ERBB4: variants seen among roughly 807,000 people sequenced by gnomAD.
ERBB4 encodes erb-b2 receptor tyrosine kinase 4, also known as receptor tyrosine-protein kinase erbB-4.
In ERBB4, 42 loss-of-function variants were observed where a neutral mutation model predicts 158.0. That is an observed-to-expected ratio of 0.27 (90% confidence interval 0.21 to 0.34). ERBB4 has a LOEUF of 0.34. ERBB4 is among the 10% of genes least tolerant of loss of function. The probability of loss-of-function intolerance (pLI) is 1.00; values close to 1 mark genes in which losing one functional copy is unlikely to be tolerated. For missense variants in ERBB4, 1,333 were observed against 1,624.1 expected, an observed-to-expected ratio of 0.82 and a Z score of 3.08; for synonymous variants, 583 against 558.7, an observed-to-expected ratio of 1.04 and a Z score of -0.61.
intron 1 of ERBB4, among the ~76,000 whole-genome samples, chr2:212,142,054 C>G (rs1294947327): frequency 6.6e-6 from 1 of 152,164 alleles, no homozygotes; most frequent in East Asian, 1.9e-4. Context: ...GATCTGGCCA[C>G]AGGGGCCACC....
chr2:211,784,249 G>A (rs2076104851), intron 4 of ERBB4, among the ~76,000 whole-genome samples: 1 of 152,092 alleles, frequency 6.6e-6, no homozygotes, highest in African/African-American at 2.4e-5. Context: ...AAGAGCAATT[G>A]GACATTTAGC....
At chr2:211,981,116 T>A (rs925511847) in intron 2 of ERBB4, among the ~76,000 whole-genome samples, 1 of 152,050 alleles carries the variant, frequency 6.6e-6, no homozygotes, top group Non-Finnish European at 1.5e-5. Flanking sequence ...TAACCAGGAA[T>A]GCAACCTGTG....
chr2:211,891,052 G>A (rs2078951926), intron 3 of ERBB4, among the ~76,000 whole-genome samples: 2 of 58,866 alleles, frequency 3.4e-5, no homozygotes, highest in Non-Finnish European at 6.6e-5. Context: ...TGCACCAAGC[G>A]GACCTAATAG....
chr2:212,334,509 T>C (rs1209534648), intron 1 of ERBB4, among the ~76,000 whole-genome samples: 1 of 151,998 alleles, frequency 6.6e-6, no homozygotes, highest in Admixed American at 6.6e-5. Flanking sequence ...TATCAAGGAA[T>C]TGTTAGTTAA....
At chr2:211,558,300 TC>T (rs2067293266) in intron 20 of ERBB4, among the ~76,000 whole-genome samples, 1 of 152,122 alleles carries the variant, frequency 6.6e-6, no homozygotes, top group South Asian at 2.1e-4. Context: ...CAATGCATGG[TC>T]CCTTCCTCCA....
intron 3 of ERBB4, among the ~76,000 whole-genome samples, chr2:211,847,027 A>G (rs566185275): frequency 1.2e-3 from 179 of 152,248 alleles, no homozygotes; most frequent in African/African-American, 4.0e-3. Flanking sequence ...GAAGCAGTGG[A>G]GGAAGTTCAA....
intron 18 of ERBB4, among the ~76,000 whole-genome samples, chr2:211,622,868 C>A (rs1263359932): frequency 7.1e-6 from 1 of 140,234 alleles, no homozygotes; most frequent in Non-Finnish European, 1.5e-5. Context: ...GAGGTTAAGG[C>A]AGGAGAATAG....
At chr2:211,673,121 G>T in intron 14 of ERBB4, 43 bp downstream of exon 14, 2 of 1,313,578 alleles carry the variant, frequency 1.5e-6, no homozygotes, top group South Asian at 1.2e-5. Flanking sequence ...ATTCATACAT[G>T]ATACTAAATA....
At chr2:211,526,864 CTTGAAGACACACTT>C (rs1284401910) in intron 20 of ERBB4, among the ~76,000 whole-genome samples, 4 of 151,924 alleles carry the variant, frequency 2.6e-5, no homozygotes, top group African/African-American at 7.3e-5. Flanking sequence ...AATTAGTGAG[CTTGAAGACACACTT>C]TTTGAAAATA....
In ERBB4 at chr2:211,672,648, AT is replaced by A. The variant is rs1397519898; in HGVS notation, c.1716+515del. Among the ~76,000 whole-genome samples, 3 of 152,204 alleles carry A rather than the reference AT, an allele frequency of 2.0e-5. No homozygotes were observed. In the East Asian group the frequency reaches 5.8e-4, roughly 29 times the overall value. ...ACAACAGTTAAAGGATTAAATGCATATAAAAATGTGTGATAGCTTTCCTCAA... is the reference window on the plus strand; with the variant it reads ...ACAACAGTTAAAGGATTAAATGCATAAAAAATGTGTGATAGCTTTCCTCAA... On this transcript the variant is annotated intron_variant, in intron 14 of 27. Transcript: ENST00000342788.
intron 12 of ERBB4, among the ~76,000 whole-genome samples, chr2:211,695,093 A>C (rs2072964768): frequency 6.6e-6 from 1 of 152,128 alleles, no homozygotes; most frequent in South Asian, 2.1e-4. Context: ...TTGTTTTATC[A>C]CAGTTACCAG....
At chr2:212,400,171 A>G (rs1436695077) in intron 1 of ERBB4, among the ~76,000 whole-genome samples, 1 of 152,186 alleles carries the variant, frequency 6.6e-6, no homozygotes, top group African/African-American at 2.4e-5. Context: ...TACCAAGGAC[A>G]ATAGGAAACC....
chr2:212,467,030 G>A (rs1688872548), intron 1 of ERBB4, among the ~76,000 whole-genome samples: 1 of 152,160 alleles, frequency 6.6e-6, no homozygotes, highest in Non-Finnish European at 1.5e-5. Context: ...GAGATTTGTG[G>A]AACTTTGAAC....
At chr2:212,344,698 T>C (rs2088896915) in intron 1 of ERBB4, among the ~76,000 whole-genome samples, 2 of 152,166 alleles carry the variant, frequency 1.3e-5, no homozygotes, top group Non-Finnish European at 1.5e-5. Flanking sequence ...TCATGGTATA[T>C]AACAATGCAG....
chr2:212,279,605 T>C (rs1321649493), intron 1 of ERBB4, among the ~76,000 whole-genome samples: 8 of 151,644 alleles, frequency 5.3e-5, no homozygotes, highest in Non-Finnish European at 1.2e-4. Flanking sequence ...TTGCTAACTT[T>C]GTCTTCAGAT....
chr2:211,718,566 T>C (rs2073996881), intron 7 of ERBB4, among the ~76,000 whole-genome samples: 1 of 152,226 alleles, frequency 6.6e-6, no homozygotes. Context: ...GAAACACAGT[T>C]TGTGTACACT....
Position 211,704,099 on chromosome 2 carries a change from C to T in ERBB4, c.1289+5G>A. The T allele has an allele frequency of 6.4e-7, 1 of 1,550,432 alleles. No individual in the cohort carries two copies. Among genetic ancestry groups the T allele is most frequent in the Non-Finnish European group, 8.9e-7 (1 of 1,122,008 alleles). On this transcript the variant is annotated splice_donor_5th_base_variant and intron_variant, in intron 11 of 27. Coordinates refer to ENST00000342788, the MANE Select transcript of ERBB4 (RefSeq NM_005235.3). ...AGCCCTGCAGCTTTAAACATATCCA[C>T]TTACCTATAGAGTACTCTTCCACCA...
chr2:212,195,253 T>C (rs2082391318), intron 1 of ERBB4, among the ~76,000 whole-genome samples: 15 of 151,976 alleles, frequency 9.9e-5, no homozygotes, highest in Admixed American at 9.9e-4. Flanking sequence ...TGCCAGTATT[T>C]TAAAAAATTC....
At chr2:211,468,523 A>T (rs1420856225) in intron 20 of ERBB4, among the ~76,000 whole-genome samples, 1 of 152,110 alleles carries the variant, frequency 6.6e-6, no homozygotes, top group Non-Finnish European at 1.5e-5. Context: ...TGGACGTTAT[A>T]GATACAGAGG....
Sources: gnomAD v4.1 joint callset for allele counts (sites outside exome capture counted in the v4.1 genomes callset) on GRCh38, gnomAD v4.1.1 for gene constraint, MANE v1.5 for transcripts, NCBI Gene and HGNC (gene_info 2026-07-23, HGNC 2026-07-21) for gene names.